C1orf105: variants seen among roughly 807,000 people sequenced by gnomAD.
C1orf105 encodes chromosome 1 open reading frame 105.
A neutral mutation model predicts 20.8 loss-of-function variants in C1orf105; 17 were observed. The ratio of observed to expected loss-of-function variants is 0.82; its 90% CI spans 0.56 to 1.23. The LOEUF is 1.23. Ranked by LOEUF, C1orf105 falls within the 50% of genes most tolerant of loss-of-function variation. The probability of loss-of-function intolerance (pLI) is 0.00; values close to 1 mark genes in which losing one functional copy is unlikely to be tolerated. For synonymous variants in C1orf105, 72 were observed against 72.1 expected (o/e 1.00, Z 0.01); for missense variants, 219 against 213.5 (o/e 1.03, Z -0.16).
chr1:172,444,106 C>A (rs943324404), intron 1 of C1orf105: 1 of 994,030 alleles, frequency 1.0e-6, no homozygotes. Context: ...ATCTCCTTAG[C>A]GAGGGCACCC....
chr1:172,445,054 G>A lies in C1orf105; in HGVS notation c.22-19G>A, dbSNP rs370586930. 9 of 1,589,408 alleles carry A rather than the reference G, an allele frequency of 5.7e-6. No homozygotes were observed. In the African/African-American group the frequency reaches 1.2e-4, roughly 21 times the overall value. ...TTAAGTGTGATATATTCTGTAAAAT[G>A]TTCTCTATTTCCCTCTAGGCTTCTG... On this transcript the variant is annotated intron_variant, in intron 1 of 6. Transcript: ENST00000367727.
intron 1 of C1orf105, chr1:172,430,976 G>A: frequency 2.1e-6 from 1 of 476,950 alleles, no homozygotes; most frequent in South Asian, 4.3e-5. Context: ...ATATAAGAGG[G>A]CAAACTTAGT....
chr1:172,441,194 T>G (rs1224539065), intron 1 of C1orf105, among the ~76,000 whole-genome samples: 1 of 152,250 alleles, frequency 6.6e-6, no homozygotes, highest in Non-Finnish European at 1.5e-5. Flanking sequence ...TGTGATATGC[T>G]TCCCTAAGAA....
chr1:172,435,515 T>C (rs1016845289), intron 1 of C1orf105, among the ~76,000 whole-genome samples: 3 of 152,182 alleles, frequency 2.0e-5, no homozygotes, highest in Admixed American at 1.3e-4. Context: ...TCTCAATAAA[T>C]GCAGAAAAGG....
chr1:172,450,242 A>T (rs997756284), intron 3 of C1orf105, among the ~76,000 whole-genome samples: 1 of 152,130 alleles, frequency 6.6e-6, no homozygotes, highest in Non-Finnish European at 1.5e-5. Context: ...CCTCACTCTC[A>T]TCCTGTTAGG....
intron 1 of C1orf105, among the ~76,000 whole-genome samples, chr1:172,436,260 CAA>C (rs1324939329): frequency 6.6e-6 from 1 of 151,808 alleles, no homozygotes; most frequent in Non-Finnish European, 1.5e-5. Flanking sequence ...CATATGGAAC[CAA>C]AAAAAGAGCA....
intron 1 of C1orf105, chr1:172,442,158 G>C: frequency 6.2e-7 from 1 of 1,614,218 alleles, no homozygotes; most frequent in Non-Finnish European, 8.5e-7. Flanking sequence ...CTAACAGCAT[G>C]AAGACTGACA....
rs1166123150 is a variant in C1orf105, at chr1:172,421,053, AC to A, written c.21+148del. ...AAAGCCAAAAGAAGGTAAGGAAATA[AC>A]AGCTGATGTTCAGTTACAGGTGAAG... On this transcript the variant is annotated intron_variant, in intron 1 of 6. Coordinates refer to ENST00000367727, the MANE Select transcript of C1orf105 (RefSeq NM_139240.4). 1.6e-5 allele frequency: 11 copies of A among 706,644 alleles called. No homozygotes were observed. The Admixed American group carries it at 3.0e-4, about 19-fold the overall frequency. The allele number at this position is 706,644 out of a possible 1,614,324, so 43.8% of individuals were successfully genotyped here. A position where few individuals can be genotyped will look rare whatever the true frequency, so the allele number is the denominator to read the frequency against.
chr1:172,451,659 A>C (rs1156421358), intron 3 of C1orf105, among the ~76,000 whole-genome samples: 1 of 152,170 alleles, frequency 6.6e-6, no homozygotes, highest in Non-Finnish European at 1.5e-5. Context: ...CAAATTTAAT[A>C]AGTCTGAATG....
chr1:172,440,271 C>A (rs918587694), intron 1 of C1orf105, among the ~76,000 whole-genome samples: 1 of 152,228 alleles, frequency 6.6e-6, no homozygotes, highest in South Asian at 2.1e-4. Context: ...GAATAACCAG[C>A]TATCTTGGGA....
chr1:172,426,701 C>G (rs2071732609), intron 1 of C1orf105, among the ~76,000 whole-genome samples: 1 of 152,110 alleles, frequency 6.6e-6, no homozygotes, highest in South Asian at 2.1e-4. Context: ...TCCTATCTTT[C>G]TAGCCTACTT....
At chr1:172,452,650 C>G in intron 3 of C1orf105, 1 of 409,752 alleles carries the variant, frequency 2.4e-6, no homozygotes, top group Non-Finnish European at 3.3e-6. Flanking sequence ...CCTTAGACAC[C>G]GCAGCAGATA....
chr1:172,422,216 A>G (rs1263375370), intron 1 of C1orf105, among the ~76,000 whole-genome samples: 1 of 152,168 alleles, frequency 6.6e-6, no homozygotes, highest in African/African-American at 2.4e-5. Context: ...ATGGCTCCAA[A>G]AGGGACTCCT....
Position 172,431,121 on chromosome 1 carries a change from A to G in C1orf105, c.21+10215A>G, listed in dbSNP as rs1189071330. Reference sequence around the variant, plus strand: ...ATTAATAACCCTGCAATGGCTTTTAACTGTTCAAATGAAGAGTTGCACATC... The same window carrying G: ...ATTAATAACCCTGCAATGGCTTTTAGCTGTTCAAATGAAGAGTTGCACATC... On this transcript the variant is annotated intron_variant, in intron 1 of 6. Coordinates refer to ENST00000367727, the MANE Select transcript of C1orf105 (RefSeq NM_139240.4). The G allele has an allele frequency of 4.9e-6, 3 of 610,142 alleles. No individual in the cohort carries two copies. The Admixed American group carries it at 7.9e-5, about 16-fold the overall frequency. 37.8% of individuals were successfully genotyped at this position (610,142 alleles called of 1,614,324 possible).
At chr1:172,447,246 A>G (rs181850699) in intron 2 of C1orf105, among the ~76,000 whole-genome samples, 1 of 152,356 alleles carries the variant, frequency 6.6e-6, no homozygotes, top group East Asian at 1.9e-4. Flanking sequence ...GTCTGAAAAA[A>G]GATAAAGGAA....
rs1297918494 is a variant in C1orf105, at chr1:172,467,705, C to T, written c.407-744C>T. ...TTGTGATCCTGTAACGTCTCTAGCTCTCATTCAGTTGGACTTTGTTCTCTG... is the reference window on the plus strand; with the variant it reads ...TTGTGATCCTGTAACGTCTCTAGCTTTCATTCAGTTGGACTTTGTTCTCTG... On this transcript the variant is annotated intron_variant, in intron 6 of 6. Coordinates refer to ENST00000367727, the MANE Select transcript of C1orf105 (RefSeq NM_139240.4). Among the ~76,000 whole-genome samples, 4 of 152,294 alleles carry T rather than the reference C, an allele frequency of 2.6e-5. No individual in the cohort carries two copies. In the East Asian group the frequency reaches 7.7e-4, roughly 29 times the overall value.
At chr1:172,421,468 G>A (rs1328863132) in intron 1 of C1orf105, among the ~76,000 whole-genome samples, 2 of 152,082 alleles carry the variant, frequency 1.3e-5, no homozygotes, top group African/African-American at 4.8e-5. Flanking sequence ...CTTGACTTAT[G>A]ATAGGGTTAC....
chr1:172,438,534 G>A (rs1485982862), intron 1 of C1orf105, among the ~76,000 whole-genome samples: 3 of 152,206 alleles, frequency 2.0e-5, no homozygotes, highest in Non-Finnish European at 2.9e-5. Flanking sequence ...GAAGAGATAA[G>A]AAATTGATTA....
chr1:172,448,298 C>T (rs927518024), intron 2 of C1orf105, 143 bp from the exon 3 acceptor site: 1 of 613,800 alleles, frequency 1.6e-6, no homozygotes, highest in East Asian at 2.6e-5. Context: ...CTTTTGGGAG[C>T]TCCCCAATGG....
Sources: allele counts gnomAD v4.1 joint callset (sites outside exome capture counted in the v4.1 genomes callset), GRCh38; gene constraint gnomAD v4.1.1; transcripts MANE v1.5; gene names NCBI Gene and HGNC (gene_info 2026-07-23, HGNC 2026-07-21).